Variants in CLASP2 observed in about 807,000 individuals in gnomAD.
CLASP2 encodes the protein CLIP-associating protein 2.
A neutral mutation model predicts 194.4 loss-of-function variants in CLASP2; 47 were observed. The ratio of observed to expected loss-of-function variants is 0.24; its 90% CI spans 0.19 to 0.31. The LOEUF (loss-of-function observed/expected upper bound fraction) is 0.31. Among genes scored for constraint, CLASP2 ranks in the 10% least tolerant of loss-of-function variants. The pLI, the probability that CLASP2 is intolerant of heterozygous loss-of-function variation, is 1.00. For missense variants in CLASP2, 1,445 were observed against 1,823.6 expected, an observed-to-expected ratio of 0.79 and a Z score of 3.78; for synonymous variants, 619 against 633.5, an observed-to-expected ratio of 0.98 and a Z score of 0.34.
chr3:33,544,896 C>T (rs76877738), intron 30 of CLASP2, 55 bp from the exon 31 acceptor site: 20 of 1,322,178 alleles, frequency 1.5e-5, no homozygotes, highest in Non-Finnish European at 1.7e-5. Flanking sequence ...CAAACAAGAC[C>T]GTTTTCTTCC....
chr3:33,681,699 CTT>C (rs1005530249), intron 6 of CLASP2, among the ~76,000 whole-genome samples: 72 of 152,254 alleles, frequency 4.7e-4, no homozygotes, highest in African/African-American at 1.6e-3. Context: ...AACATATAGA[CTT>C]TATTTGGACC....
intron 25 of CLASP2, 124 bp from the exon 26 acceptor site, chr3:33,570,914 G>C (rs543907353): frequency 2.4e-6 from 2 of 826,456 alleles, no homozygotes. Context: ...GGTGGCTCAC[G>C]CCTATAATCC....
intron 1 of CLASP2, among the ~76,000 whole-genome samples, chr3:33,700,705 C>A (rs1216975722): frequency 6.6e-6 from 1 of 151,958 alleles, no homozygotes; most frequent in Non-Finnish European, 1.5e-5. Flanking sequence ...AAAAAATTAG[C>A]CAGGTGTGGT....
At chr3:33,620,970 T>C (rs1184265493) in intron 11 of CLASP2, among the ~76,000 whole-genome samples, 1 of 151,546 alleles carries the variant, frequency 6.6e-6, no homozygotes, top group Non-Finnish European at 1.5e-5. Context: ...GACTCATGGA[T>C]TCCCATATTA....
At chr3:33,574,618 T>C in intron 24 of CLASP2, 1 of 561,972 alleles carries the variant, frequency 1.8e-6, no homozygotes, top group Non-Finnish European at 3.1e-6. Flanking sequence ...TTTTCACACA[T>C]AGGTACAAAG....
chr3:33,596,523 T>C (rs1281714460), intron 19 of CLASP2, 188 bp downstream of exon 19: 20 of 579,080 alleles, frequency 3.5e-5, no homozygotes, highest in Non-Finnish European at 4.0e-5. Flanking sequence ...TGGGATATGG[T>C]ATGCCCAATA....
At chr3:33,503,235 T>C (rs1033922090) in intron 37 of CLASP2, 1 of 152,310 alleles carries the variant, frequency 6.6e-6, no homozygotes. Context: ...TATTCCATTG[T>C]ATGATATATC....
rs533641439 is a variant in CLASP2, at chr3:33,512,986, G to A, written c.4111-2222C>T. Among the ~76,000 whole-genome samples, 4 of 151,968 alleles carry A rather than the reference G, an allele frequency of 2.6e-5. No individual in the cohort carries two copies. The East Asian group carries it at 5.8e-4, about 22-fold the overall frequency. On this transcript the variant is annotated intron_variant, in intron 36 of 38. Transcript: ENST00000682230. The stretch of plus-strand genomic sequence containing the variant: ...AGCCAGGGCGACAGAGTGAGACTCC[G>A]TCTAAAAACCAACCAACCAACCAAC...
intron 8 of CLASP2, among the ~76,000 whole-genome samples, chr3:33,641,430 C>T (rs2081262442): frequency 6.6e-6 from 1 of 151,590 alleles, no homozygotes; most frequent in South Asian, 2.1e-4. Flanking sequence ...TCGACACTTA[C>T]ATAATATGGA....
chr3:33,707,074 T>C (rs1478359537), intron 1 of CLASP2, among the ~76,000 whole-genome samples: 4 of 152,158 alleles, frequency 2.6e-5, no homozygotes, highest in South Asian at 2.1e-4. Flanking sequence ...AGCACCACAT[T>C]GCAGTTTCCA....
intron 18 of CLASP2, 38 bp from the exon 19 acceptor site, chr3:33,596,772 T>G: frequency 6.8e-7 from 1 of 1,474,006 alleles, no homozygotes; most frequent in African/African-American, 1.4e-5. Context: ...GAGGAAAACT[T>G]AGTATATTAG....
In CLASP2 at chr3:33,650,960, TTTGTTTTGTC is replaced by T. The variant is rs1293363973; in HGVS notation, c.716-6067_716-6058del. On this transcript the variant is annotated intron_variant, in intron 7 of 38. Coordinates refer to ENST00000682230, the MANE Select transcript of CLASP2 (RefSeq NM_001365631.1). ...GTCAAAAAGCTCTAAAAACCCAACT[TTTGTTTTGTC>T]TTTTAAACTCATTTGGTGGCATTAA... Among the ~76,000 whole-genome samples, 3 of 152,202 alleles carry T rather than the reference TTTGTTTTGTC, an allele frequency of 2.0e-5. No individual in the cohort carries two copies. The East Asian group carries it at 5.8e-4, about 29-fold the overall frequency.
chr3:33,662,056 C>CA (rs1559565203), intron 7 of CLASP2, among the ~76,000 whole-genome samples: 1 of 151,114 alleles, frequency 6.6e-6, no homozygotes, highest in Non-Finnish European at 1.5e-5. Context: ...AAGTCTTCTT[C>CA]AAAAAAAATA....
At chr3:33,648,793 G>A (rs567203895) in intron 7 of CLASP2, among the ~76,000 whole-genome samples, 1 of 152,124 alleles carries the variant, frequency 6.6e-6, no homozygotes, top group African/African-American at 2.4e-5. Context: ...TTTATATGTG[G>A]ATTGGAAGCT....
At chr3:33,663,361 T>G in intron 7 of CLASP2, 84 bp downstream of exon 7, 1 of 914,476 alleles carries the variant, frequency 1.1e-6, no homozygotes, top group South Asian at 2.0e-5. Context: ...TCAACTCTTT[T>G]GAATCAGTGA....
intron 9 of CLASP2, among the ~76,000 whole-genome samples, chr3:33,628,164 G>A (rs2078389656): frequency 6.6e-6 from 1 of 152,182 alleles, no homozygotes; most frequent in Admixed American, 6.5e-5. Flanking sequence ...GCAAGAGCAA[G>A]AGAGAAAGAA....
chr3:33,583,539 T>C (rs992866455), intron 22 of CLASP2, among the ~76,000 whole-genome samples: 1 of 152,186 alleles, frequency 6.6e-6, no homozygotes, highest in African/African-American at 2.4e-5. Flanking sequence ...CAGCTTTTCA[T>C]CTTTTAAAGC....
intron 34 of CLASP2, among the ~76,000 whole-genome samples, chr3:33,529,996 A>AT (rs2055824762): frequency 2.7e-5 from 4 of 148,154 alleles, no homozygotes; most frequent in African/African-American, 1.0e-4. Flanking sequence ...AAAAAAAAAA[A>AT]AAAAAAAAAA....
rs556050149 is a variant in CLASP2 at position 33,718,219 on chromosome 3, A to G, written c.-217T>C. On this transcript the variant is annotated 5_prime_UTR_variant, in exon 1 of 39. Transcript: ENST00000682230. ...CGCCCCCCGATCCCCAGCCCGCTTC[A>G]GAGGCCGCGGCCGCGGGCGACGTCA... is the stretch of plus-strand genomic sequence containing the variant. 2.2e-5 allele frequency: 6 copies of G among 275,628 alleles called. No homozygotes were observed. The highest frequency in any genetic ancestry group is 1.5e-4 in the East Asian group (2 of 13,514). The allele number at this position is 275,628 out of a possible 1,614,324, so 17.1% of individuals were successfully genotyped here.
Sources: gnomAD v4.1 joint callset for allele counts (sites outside exome capture counted in the v4.1 genomes callset) on GRCh38, gnomAD v4.1.1 for gene constraint, MANE v1.5 for transcripts, NCBI Gene and HGNC (gene_info 2026-07-23, HGNC 2026-07-21) for gene names.